Variants in SLC10A7 observed in about 807,000 individuals in gnomAD.
SLC10A7 encodes the protein sodium/bile acid cotransporter 7.
A neutral mutation model predicts 43.2 loss-of-function variants in SLC10A7; 29 were observed. That is an observed-to-expected ratio of 0.67 (90% CI 0.50 to 0.92). SLC10A7 has a LOEUF of 0.92. Ranked by LOEUF, SLC10A7 falls within the 40% of genes least tolerant of loss-of-function variation. The pLI, the probability that SLC10A7 is intolerant of heterozygous loss-of-function variation, is 0.00. For missense variants in SLC10A7, 295 were observed against 403.2 expected, an observed-to-expected ratio of 0.73 and a Z score of 2.30; for synonymous variants, 152 against 144.8, an observed-to-expected ratio of 1.05 and a Z score of -0.35.
At chr4:146,258,407 C>T (rs191687377) in intron 11 of SLC10A7, among the ~76,000 whole-genome samples, 4 of 152,230 alleles carry the variant, frequency 2.6e-5, no homozygotes, top group Admixed American at 1.3e-4. Flanking sequence ...TTTACTGAAC[C>T]TTTACCCCAT....
chr4:146,272,501 G>A (rs755440521), intron 10 of SLC10A7, among the ~76,000 whole-genome samples: 5 of 152,172 alleles, frequency 3.3e-5, no homozygotes, highest in Non-Finnish European at 7.4e-5. Flanking sequence ...TTGCTTTGCA[G>A]CTGTAGGCTC....
At chr4:146,303,519 C>G (rs1385045713) in intron 7 of SLC10A7, among the ~76,000 whole-genome samples, 1 of 151,572 alleles carries the variant, frequency 6.6e-6, no homozygotes, top group Non-Finnish European at 1.5e-5. Flanking sequence ...CTGGGACCAC[C>G]GGCACCCACC....
rs187330618 is a variant in SLC10A7, at chr4:146,509,086, A to T, written c.320+827T>A. On this transcript the variant is annotated intron_variant, in intron 3 of 11. Transcript: ENST00000335472. ...CAGAACTCTGAAATCTAAATTAATC[A>T]AAAGCCTGCCCACCCAACCACTTTC... Among the ~76,000 whole-genome samples the T allele has an allele frequency of 3.3e-3, 496 of 152,288 alleles. 8 individuals carry two copies. The highest frequency in any genetic ancestry group is 1.5e-3 in the East Asian group (8 of 5,176).
intron 5 of SLC10A7, among the ~76,000 whole-genome samples, chr4:146,394,442 C>T (rs977485183): frequency 3.3e-5 from 5 of 152,190 alleles, no homozygotes; most frequent in African/African-American, 1.2e-4. Context: ...TCACTGCAAC[C>T]TCAGCCTCCT....
chr4:146,290,302 C>T (rs1215167937), intron 9 of SLC10A7, among the ~76,000 whole-genome samples: 22 of 120,378 alleles, frequency 1.8e-4, no homozygotes, highest in South Asian at 8.4e-4. Flanking sequence ...CCAGCCTGGG[C>T]GATAGAGCAA....
intron 5 of SLC10A7, among the ~76,000 whole-genome samples, chr4:146,358,656 A>T (rs1040928408): frequency 2.6e-5 from 4 of 152,132 alleles, no homozygotes; most frequent in Non-Finnish European, 5.9e-5. Flanking sequence ...ACTTAGTATT[A>T]TTAATATATC....
intron 5 of SLC10A7, among the ~76,000 whole-genome samples, chr4:146,337,125 T>C (rs1733943953): frequency 6.6e-6 from 1 of 152,072 alleles, no homozygotes; most frequent in African/African-American, 2.4e-5. Context: ...GTAAACATCT[T>C]CTAAGTTTTA....
At chr4:146,355,521 C>T (rs1578974955) in intron 5 of SLC10A7, among the ~76,000 whole-genome samples, 1 of 151,544 alleles carries the variant, frequency 6.6e-6, no homozygotes, top group Middle Eastern at 3.4e-3. Context: ...CCATTTGACC[C>T]AGCCATCCCA....
chr4:146,297,875 C>G (rs1478819824), intron 7 of SLC10A7, among the ~76,000 whole-genome samples: 1 of 152,196 alleles, frequency 6.6e-6, no homozygotes, highest in African/African-American at 2.4e-5. Flanking sequence ...TTTGAAAATT[C>G]TTCCCCTCTA....
chr4:146,268,087 G>T (rs1728675434), intron 10 of SLC10A7, among the ~76,000 whole-genome samples: 1 of 152,120 alleles, frequency 6.6e-6, no homozygotes, highest in South Asian at 2.1e-4. Context: ...GCACAAACTG[G>T]ACCTAAACCT....
chr4:146,468,473 A>ATTTTTTT (rs368637891), intron 4 of SLC10A7, among the ~76,000 whole-genome samples: 3 of 143,610 alleles, frequency 2.1e-5, no homozygotes, highest in East Asian at 4.2e-4. Context: ...TTATATTTTA[A>ATTTTTTT]TTTTTTTTTT....
intron 4 of SLC10A7, among the ~76,000 whole-genome samples, chr4:146,468,969 A>G (rs993053165): frequency 6.6e-6 from 1 of 152,120 alleles, no homozygotes; most frequent in Non-Finnish European, 1.5e-5. Flanking sequence ...CCAAACTTGT[A>G]TGAAGAAGGT....
At chr4:146,317,919 G>A (rs181081597) in intron 6 of SLC10A7, among the ~76,000 whole-genome samples, 1 of 152,070 alleles carries the variant, frequency 6.6e-6, no homozygotes, top group Admixed American at 6.6e-5. Context: ...CCAGCTTCCA[G>A]ATAGCAGATA....
chr4:146,387,558 T>C (rs1335276229), intron 5 of SLC10A7, among the ~76,000 whole-genome samples: 2 of 152,034 alleles, frequency 1.3e-5, no homozygotes, highest in African/African-American at 4.8e-5. Context: ...CCAGGGAACA[T>C]AGCACTGGAA....
chr4:146,509,977 C>T lies in SLC10A7; in HGVS notation c.256G>A (p.Ala86Thr), dbSNP rs779082973. 1.1e-5 allele frequency: 17 copies of T among 1,613,530 alleles called. No homozygotes were observed. Among genetic ancestry groups the T allele is most frequent in the Non-Finnish European group, 1.4e-5 (17 of 1,179,754 alleles). ...IQIFTLAFFP[A>T]TIWLFLQLLS... is the part of the protein sequence containing the mutation. ...AGCTGAAGAAAAAGCCATATTGTTGCTGGGAAGAATGCAAGAGTAAAGATC... is the reference window on the plus strand; with the variant it reads ...AGCTGAAGAAAAAGCCATATTGTTGTTGGGAAGAATGCAAGAGTAAAGATC... Residue 86 changes from alanine to threonine, a missense_variant, in exon 3 of 12, where the codon GCA (alanine) becomes ACA (threonine). Ala to Thr is a moderately conservative substitution (Grantham distance 58). This residue lies in a region of SLC10A7 where 242 missense variants were observed against 362.5 expected (regional missense o/e 0.67). Transcript: ENST00000335472.
chr4:146,329,094 A>T (rs1733357675), intron 5 of SLC10A7, among the ~76,000 whole-genome samples: 1 of 152,220 alleles, frequency 6.6e-6, no homozygotes, highest in Non-Finnish European at 1.5e-5. Context: ...TCAATGACAC[A>T]TGATAGTTTC....
chr4:146,452,562 A>G lies in SLC10A7; in HGVS notation c.397-9741T>C, dbSNP rs1302679826. On this transcript the variant is annotated intron_variant, in intron 4 of 11. Transcript: ENST00000335472. ...CTTCTTTCAAAGCCAATTATGATTG[A>G]CTTTCTCTTATGCAACTTAGTTGCT... 2.6e-5 allele frequency among the ~76,000 whole-genome samples: 4 copies of G among 152,074 alleles called. No individual in the cohort carries two copies. The East Asian group carries it at 7.7e-4, about 29-fold the overall frequency.
intron 5 of SLC10A7, among the ~76,000 whole-genome samples, chr4:146,337,759 G>C (rs894189071): frequency 1.3e-5 from 2 of 151,436 alleles, no homozygotes; most frequent in Admixed American, 1.3e-4. Context: ...CTCAACAAAA[G>C]GAATAAAAAC....
At chr4:146,287,491 G>C (rs1389347874) in intron 9 of SLC10A7, among the ~76,000 whole-genome samples, 1 of 152,182 alleles carries the variant, frequency 6.6e-6, no homozygotes, top group African/African-American at 2.4e-5. Context: ...CGGGCAAGCA[G>C]AGGCAAGTTA....
Sources: gnomAD v4.1 joint callset for allele counts (sites outside exome capture counted in the v4.1 genomes callset) on GRCh38, gnomAD v4.1.1 for gene constraint, gnomAD v4.1.1 regional missense constraint, MANE v1.5 for transcripts, NCBI Gene and HGNC (gene_info 2026-07-23, HGNC 2026-07-21) for gene names.